MPPED1: variants seen among roughly 807,000 people sequenced by gnomAD.
The protein encoded by MPPED1 is metallophosphoesterase domain-containing protein 1.
Under a neutral mutation model 36.2 loss-of-function variants are expected in MPPED1, and 16 were observed. That is an observed-to-expected ratio of 0.44 (90% CI 0.30 to 0.67). MPPED1 has a LOEUF of 0.67. MPPED1 is among the 30% of genes least tolerant of loss of function. The pLI is 0.10. For missense variants in MPPED1, 307 were observed against 453.4 expected (o/e 0.68, Z 2.93); for synonymous variants, 199 against 191.3 (o/e 1.04, Z -0.33).
At chr22:43,487,759 C>T (rs887278958) in intron 4 of MPPED1, among the ~76,000 whole-genome samples, 1 of 152,112 alleles carries the variant, frequency 6.6e-6, no homozygotes, top group Non-Finnish European at 1.5e-5. Flanking sequence ...AGCCCTGGCC[C>T]ATGCCCTCGG....
chr22:43,454,587 C>T (rs996684055), intron 3 of MPPED1, among the ~76,000 whole-genome samples: 2 of 152,044 alleles, frequency 1.3e-5, no homozygotes, highest in South Asian at 2.1e-4. Flanking sequence ...CTTAAAGGAA[C>T]ACCGGTACTA....
chr22:43,419,808 C>T (rs906799404), intron 1 of MPPED1, among the ~76,000 whole-genome samples: 1 of 152,106 alleles, frequency 6.6e-6, no homozygotes, highest in African/African-American at 2.4e-5. Flanking sequence ...TAGACACCAG[C>T]TTTCCATACA....
chr22:43,459,546 G>A (rs1434398464), intron 3 of MPPED1, among the ~76,000 whole-genome samples: 1 of 152,152 alleles, frequency 6.6e-6, no homozygotes, highest in Non-Finnish European at 1.5e-5. Flanking sequence ...CAAACTGGAT[G>A]ATTTCAACAG....
rs555501344 is a variant in MPPED1, at chr22:43,489,085, A to G, written c.633-9150A>G. 1.1e-4 allele frequency among the ~76,000 whole-genome samples: 16 copies of G among 151,684 alleles called. No individual in the cohort carries two copies. In the South Asian group the frequency reaches 3.3e-3, roughly 32 times the overall value. On this transcript the variant is annotated intron_variant, in intron 4 of 6. Coordinates refer to ENST00000443721, the MANE Select transcript of MPPED1 (RefSeq NM_001044370.2). ...GCCCTTGTCTGCCCTAACCTCTGAA[A>G]CACCAGGGGCCACGTGGACTTCGGG...
chr22:43,502,576 C>T lies in MPPED1; in HGVS notation c.749-68C>T. On this transcript the variant is annotated intron_variant, in intron 5 of 6. Transcript: ENST00000443721. The surrounding 1 kb of genome is among the most constrained non-coding windows in gnomAD (Gnocchi z 5.5). ...CTTCTCCAGGCTGCAGAAGCTGCTG[C>T]TAGGCGTGGGGCAGTGAGGGGCTGG... The T allele has an allele frequency of 7.9e-7, 1 of 1,262,962 alleles. No individual in the cohort carries two copies. Among genetic ancestry groups the T allele is most frequent in the South Asian group, 1.2e-5 (1 of 83,264 alleles). 78.2% of individuals were successfully genotyped at this position (1,262,962 alleles called of 1,614,324 possible). A position where few individuals can be genotyped will look rare whatever the true frequency, so the allele number is the denominator to read the frequency against.
At chr22:43,439,217 G>C (rs1422415106) in intron 3 of MPPED1, among the ~76,000 whole-genome samples, 4 of 152,204 alleles carry the variant, frequency 2.6e-5, no homozygotes, top group African/African-American at 9.6e-5. Flanking sequence ...TTCATGGGAG[G>C]GGGACGGGTT....
chr22:43,500,188 TGATGGA>T (rs1932640420), intron 5 of MPPED1, among the ~76,000 whole-genome samples: 3 of 61,780 alleles, frequency 4.9e-5, no homozygotes, highest in Admixed American at 1.4e-4. Context: ...GTGGTGATGG[TGATGGA>T]GGTGGTAATG....
Position 43,498,220 on chromosome 22 carries a change from G to A in MPPED1, c.633-15G>A. 1.3e-6 allele frequency: 2 copies of A among 1,531,562 alleles called. No homozygotes were observed. The highest frequency in any genetic ancestry group is 8.7e-7 in the Non-Finnish European group (1 of 1,143,536). 94.9% of individuals were successfully genotyped at this position (1,531,562 alleles called of 1,614,324 possible). ...TTCACCCGCCCTCCCTCAAACACCTGCACTTCTTCTACAGGCAGCCCTGGT... is the reference window on the plus strand; with the variant it reads ...TTCACCCGCCCTCCCTCAAACACCTACACTTCTTCTACAGGCAGCCCTGGT... On this transcript the variant is annotated splice_polypyrimidine_tract_variant and intron_variant, in intron 4 of 6. Transcript: ENST00000443721.
intron 1 of MPPED1, among the ~76,000 whole-genome samples, chr22:43,421,604 G>A (rs1929277951): frequency 6.6e-6 from 1 of 152,174 alleles, no homozygotes; most frequent in South Asian, 2.1e-4. Context: ...TGACTCTTCG[G>A]TCTTCAGCTA....
rs533868733 is a variant in MPPED1, at chr22:43,414,330, C to T, written c.-79+2172C>T. On this transcript the variant is annotated intron_variant, in intron 1 of 6. Coordinates refer to ENST00000443721, the MANE Select transcript of MPPED1 (RefSeq NM_001044370.2). ...TGGTATGCTCACTTTATACAGGACACATCTCTCTCTGCTTGTTTGAGGAAT... is the reference window on the plus strand; with the variant it reads ...TGGTATGCTCACTTTATACAGGACATATCTCTCTCTGCTTGTTTGAGGAAT... Among the ~76,000 whole-genome samples, 9 of 152,272 alleles carry T rather than the reference C, an allele frequency of 5.9e-5. No homozygotes were observed. In the South Asian group the frequency reaches 1.9e-3, roughly 32 times the overall value.
intron 4 of MPPED1, among the ~76,000 whole-genome samples, chr22:43,488,064 G>A (rs369619103): frequency 1.3e-5 from 2 of 152,162 alleles, no homozygotes; most frequent in African/African-American, 4.8e-5. Context: ...CTGTAGAGTG[G>A]AGGCCATGGT....
Position 43,505,751 on chromosome 22 carries a change from T to A in MPPED1, c.*135T>A. 1.5e-6 allele frequency: 1 copy of A among 685,212 alleles called. No homozygotes were observed. Among genetic ancestry groups the A allele is most frequent in the East Asian group, 2.7e-5 (1 of 36,410 alleles). 42.4% of individuals were successfully genotyped at this position (685,212 alleles called of 1,614,324 possible). ...CTGGCCTAGCAGGCAGGTCAGGGCC[T>A]TGGAACGACTCTTTAGCCTTCTGTC... On this transcript the variant is annotated 3_prime_UTR_variant, in exon 7 of 7. Transcript: ENST00000443721.
chr22:43,425,040 C>A lies in MPPED1; in HGVS notation c.55C>A (p.Leu19Ile). The A allele has an allele frequency of 6.2e-7, 1 of 1,612,198 alleles. No individual in the cohort carries two copies. Among genetic ancestry groups the A allele is most frequent in the East Asian group, 2.2e-5 (1 of 44,798 alleles). The change falls in exon 2 of 7, where the codon CTC becomes ATC. Residue 19 changes from leucine (L) to isoleucine (I), a missense_variant. By Grantham distance (5) the Leu-to-Ile change is conservative. This residue lies in a region of MPPED1 where 169 missense variants were observed against 212.3 expected (regional missense o/e 0.80). Transcript: ENST00000443721. Reference sequence around the variant, plus strand: ...CCTGAAGGCGGAGGCCCTGGCCCTCCTCCCCTGCGGCCTGGGCATGGCATT... The same window carrying A: ...CCTGAAGGCGGAGGCCCTGGCCCTCATCCCCTGCGGCCTGGGCATGGCATT... ...SVLKAEALAL[L>I]PCGLGMAFSQ...
chr22:43,416,914 A>G, intron 1 of MPPED1: 1 of 881,562 alleles, frequency 1.1e-6, no homozygotes, highest in Non-Finnish European at 1.4e-6. Context: ...GGAATGGAGA[A>G]TATTCAGAAT....
In MPPED1 at chr22:43,435,234, G is replaced by T. The variant is rs762737409; in HGVS notation, c.406+19G>T. The T allele has an allele frequency of 1.9e-6, 3 of 1,593,756 alleles. No homozygotes were observed. The highest frequency in any genetic ancestry group is 2.7e-5 in the African/African-American group (2 of 74,730). Reference sequence around the variant, plus strand: ...TGGCTGGGTAGGTCCCTCCTGCCCCGGGCGGGCGGCTGTGCTGAGCAGGAA... The same window carrying T: ...TGGCTGGGTAGGTCCCTCCTGCCCCTGGCGGGCGGCTGTGCTGAGCAGGAA... On this transcript the variant is annotated intron_variant, in intron 3 of 6. Transcript: ENST00000443721.
intron 3 of MPPED1, among the ~76,000 whole-genome samples, chr22:43,459,795 C>T (rs1403726748): frequency 1.3e-5 from 2 of 152,214 alleles, no homozygotes; most frequent in Non-Finnish European, 2.9e-5. Context: ...GATTTAAAGG[C>T]ATTATTTAGT....
At chr22:43,475,607 A>G (rs1408945948) in intron 4 of MPPED1, among the ~76,000 whole-genome samples, 34 of 115,854 alleles carry the variant, frequency 2.9e-4, no homozygotes, top group African/African-American at 1.2e-3. Flanking sequence ...GGTGGTGATG[A>G]TGGTGGTGAT....
rs374310082 is a variant in MPPED1 at position 43,502,973 on chromosome 22, G to C, written c.862+216G>C. The stretch of plus-strand genomic sequence containing the variant: ...GATCACAACATCCTGCATGACTTAG[G>C]GGGTAAATTTTGCTTCCGGGGAGCC... On this transcript the variant is annotated intron_variant, in intron 6 of 6. Coordinates refer to ENST00000443721, the MANE Select transcript of MPPED1 (RefSeq NM_001044370.2). The surrounding 1 kb of genome is among the most constrained non-coding windows in gnomAD (Gnocchi z 5.5). 3.0e-4 allele frequency among the ~76,000 whole-genome samples: 45 copies of C among 152,324 alleles called. No individual in the cohort carries two copies. The South Asian group carries it at 7.3e-3, about 25-fold the overall frequency.
At chr22:43,472,766 C>T (rs1043941441) in intron 3 of MPPED1, among the ~76,000 whole-genome samples, 1 of 147,948 alleles carries the variant, frequency 6.8e-6, no homozygotes, top group African/African-American at 2.7e-5. Flanking sequence ...GGGACCTGGC[C>T]ATTTGCCGTG....
Sources: gnomAD v4.1 joint callset for allele counts (sites outside exome capture counted in the v4.1 genomes callset) on GRCh38, gnomAD v4.1.1 for gene constraint, gnomAD v4.1.1 regional missense constraint, Gnocchi (gnomAD v3.1) non-coding constraint, MANE v1.5 for transcripts, NCBI Gene and HGNC (gene_info 2026-07-23, HGNC 2026-07-21) for gene names.